The following MAP7 variants were observed in gnomAD, a reference collection of about 807,000 sequenced individuals.
MAP7 encodes the protein ensconsin.
MAP7 carries 52 observed loss-of-function variants against 94.8 expected under a neutral mutation model. The observed-to-expected ratio is 0.55, with a 90% CI of 0.44 to 0.69. MAP7 has a LOEUF of 0.69. Among genes scored for constraint, MAP7 ranks in the 30% least tolerant of loss-of-function variants. The pLI is 0.00. For synonymous variants in MAP7, 350 were observed against 357.0 expected (o/e 0.98, Z 0.22); for missense variants, 940 against 964.6 (o/e 0.97, Z 0.34).
intron 1 of MAP7, among the ~76,000 whole-genome samples, chr6:136,454,139 G>A (rs1259057097): frequency 2.0e-5 from 3 of 151,970 alleles, no homozygotes; most frequent in Non-Finnish European, 4.4e-5. Context: ...ATTTAATAGG[G>A]TTTACTCAGT....
intron 17 of MAP7, among the ~76,000 whole-genome samples, chr6:136,345,235 T>C (rs1252674696): frequency 6.6e-6 from 1 of 152,188 alleles, no homozygotes; most frequent in Non-Finnish European, 1.5e-5. Context: ...CAAAGAGACA[T>C]TGTATAAGAA....
chr6:136,353,090 A>G (rs573667669), intron 16 of MAP7, among the ~76,000 whole-genome samples: 138 of 152,356 alleles, frequency 9.1e-4, no homozygotes, highest in African/African-American at 3.1e-3. Context: ...TCATTCAGAA[A>G]TGCACTGTTT....
At position 136,362,622 on chromosome 6, in the gene MAP7, C is replaced by T. The variant is rs1322634794; in HGVS notation, c.1354G>A (p.Ala452Thr). The T allele has an allele frequency of 6.2e-7, 1 of 1,613,134 alleles. No individual in the cohort carries two copies. Among genetic ancestry groups the T allele is most frequent in the African/African-American group, 1.3e-5 (1 of 74,868 alleles). The change falls in exon 11 of 18, where the codon GCC becomes ACC. Residue 452 changes from alanine to threonine, a missense_variant. Transcript: ENST00000354570. Reference protein sequence around the residue: ...APAPAPVPTPAMVSAPSSTVN... With the variant: ...APAPAPVPTPTMVSAPSSTVN... ...GTGGATGACGGGGCTGAGACCATGG[C>T]TGGGGTGGGGACCGGGGCTGGAGCT...
chr6:136,456,940 C>A (rs867410101), intron 1 of MAP7, among the ~76,000 whole-genome samples: 1 of 149,464 alleles, frequency 6.7e-6, no homozygotes, highest in African/African-American at 2.5e-5. Context: ...GGGTATAAAG[C>A]TAGTGCAAGG....
intron 6 of MAP7, among the ~76,000 whole-genome samples, chr6:136,381,876 T>TTA (rs1777833534): frequency 2.6e-5 from 1 of 38,748 alleles, no homozygotes; most frequent in Non-Finnish European, 4.6e-5. Context: ...ACTTCTAACC[T>TTA]TACACACACA....
chr6:136,450,217 G>A (rs1800681750), intron 1 of MAP7, among the ~76,000 whole-genome samples: 1 of 152,102 alleles, frequency 6.6e-6, no homozygotes, highest in African/African-American at 2.4e-5. Context: ...TTTGGCTTCT[G>A]TATAAGCCTT....
At chr6:136,358,513 A>G (rs1384541860) in intron 15 of MAP7, among the ~76,000 whole-genome samples, 1 of 152,246 alleles carries the variant, frequency 6.6e-6, no homozygotes, top group Admixed American at 6.5e-5. Flanking sequence ...AAGAGCATGA[A>G]AACTCCACTA....
intron 1 of MAP7, among the ~76,000 whole-genome samples, chr6:136,478,813 G>T (rs1811763361): frequency 6.6e-6 from 1 of 151,588 alleles, no homozygotes; most frequent in Non-Finnish European, 1.5e-5. Context: ...AAGTTTCCCA[G>T]CAAAGAAAAG....
intron 1 of MAP7, among the ~76,000 whole-genome samples, chr6:136,522,451 T>C (rs578069565): frequency 6.6e-6 from 1 of 152,272 alleles, no homozygotes; most frequent in East Asian, 1.9e-4. Context: ...TCTCTCTTAC[T>C]GAGTTATTTG....
intron 1 of MAP7, among the ~76,000 whole-genome samples, chr6:136,542,094 C>G (rs1247894846): frequency 6.6e-6 from 1 of 152,028 alleles, no homozygotes; most frequent in Non-Finnish European, 1.5e-5. Flanking sequence ...AAAGTGGTAC[C>G]TAATAAAAAA....
At chr6:136,487,270 A>ATATGTATGTAATG (rs1335607939) in intron 1 of MAP7, among the ~76,000 whole-genome samples, 1 of 152,250 alleles carries the variant, frequency 6.6e-6, no homozygotes, top group Non-Finnish European at 1.5e-5. Context: ...GTAAAATCAT[A>ATATGTATGTAATG]TATGTAATGA....
rs145175106 is a variant in MAP7 at position 136,401,306 on chromosome 6, T to A, written c.244+10314A>T. Among the ~76,000 whole-genome samples the A allele has an allele frequency of 1.0e-3, 153 of 152,302 alleles. 1 individual carries two copies. The highest frequency in any genetic ancestry group is 3.5e-3 in the African/African-American group (147 of 41,564). Reference sequence around the variant, plus strand: ...GTTTGAGGATGCAGTGAGCTATGATTGCACCACTGCACTCCATCCTGGGTG... The same window carrying A: ...GTTTGAGGATGCAGTGAGCTATGATAGCACCACTGCACTCCATCCTGGGTG... On this transcript the variant is annotated intron_variant, in intron 3 of 17. Coordinates refer to ENST00000354570, the MANE Select transcript of MAP7 (RefSeq NM_003980.6).
Position 136,350,583 on chromosome 6 carries a change from C to T in MAP7, c.2016-4504G>A, listed in dbSNP as rs138128968. On this transcript the variant is annotated intron_variant, in intron 16 of 17. Coordinates refer to ENST00000354570, the MANE Select transcript of MAP7 (RefSeq NM_003980.6). ...AGAATAGGCTGGGCGTGGTGACTCA[C>T]GCCTGTAATCCCAACACTTCAGGAG... Among the ~76,000 whole-genome samples the T allele has an allele frequency of 5.1e-4, 78 of 152,332 alleles. No individual in the cohort carries two copies. In the East Asian group the frequency reaches 0.014, roughly 27 times the overall value.
At chr6:136,516,507 G>A (rs975399728) in intron 1 of MAP7, among the ~76,000 whole-genome samples, 3 of 152,196 alleles carry the variant, frequency 2.0e-5, no homozygotes, top group African/African-American at 7.2e-5. Context: ...ACCAGGGAGA[G>A]TGAAGTGGAG....
At chr6:136,538,708 T>G (rs72979513) in intron 1 of MAP7, among the ~76,000 whole-genome samples, 3 of 149,884 alleles carry the variant, frequency 2.0e-5, no homozygotes, top group African/African-American at 7.4e-5. Context: ...GGGAGGATCG[T>G]TGGAGCCCAG....
chr6:136,473,138 C>T (rs1426256359), intron 1 of MAP7, among the ~76,000 whole-genome samples: 1 of 152,192 alleles, frequency 6.6e-6, no homozygotes, highest in Non-Finnish European at 1.5e-5. Flanking sequence ...CATCAAGAGC[C>T]AAGGCACATG....
chr6:136,389,320 G>A (rs544427460), intron 4 of MAP7, 34 bp downstream of exon 4: 13 of 1,512,326 alleles, frequency 8.6e-6, no homozygotes, highest in Non-Finnish European at 1.1e-5. Flanking sequence ...TGAACTAGAG[G>A]AGCCACTCAT....
intron 11 of MAP7, among the ~76,000 whole-genome samples, chr6:136,361,848 C>T (rs866849778): frequency 1.3e-5 from 2 of 152,012 alleles, no homozygotes; most frequent in Middle Eastern, 3.4e-3. Flanking sequence ...AAACATGAAC[C>T]CTTATTATGC....
At position 136,362,636 on chromosome 6, in the gene MAP7, G is replaced by A. The variant is rs369457560; in HGVS notation, c.1340C>T (p.Pro447Leu). The change falls in exon 11 of 18, where the codon CCG (proline) becomes CTG (leucine). Residue 447 changes from proline (P) to leucine (L), a missense_variant. Physicochemically the swap from Pro to Leu is moderately conservative, Grantham distance 98. Transcript: ENST00000354570. ...TGAGACCATGGCTGGGGTGGGGACCGGGGCTGGAGCTGGGGCCGAGGCTGG... is the reference window on the plus strand; with the variant it reads ...TGAGACCATGGCTGGGGTGGGGACCAGGGCTGGAGCTGGGGCCGAGGCTGG... ...PAPASAPAPA[P>L]VPTPAMVSAP... The A allele has an allele frequency of 3.1e-6, 5 of 1,611,592 alleles. No homozygotes were observed. The highest frequency in any genetic ancestry group is 4.5e-5 in the East Asian group (2 of 44,828).
Sources: gnomAD v4.1 joint callset for allele counts (sites outside exome capture counted in the v4.1 genomes callset) on GRCh38, gnomAD v4.1.1 for gene constraint, MANE v1.5 for transcripts, NCBI Gene and HGNC (gene_info 2026-07-23, HGNC 2026-07-21) for gene names.